SH3GL3: variants seen among roughly 807,000 people sequenced by gnomAD.
SH3GL3 encodes the protein SH3 domain containing GRB2 like 3, endophilin A3.
A neutral mutation model predicts 47.7 loss-of-function variants in SH3GL3; 33 were observed. The ratio of observed to expected loss-of-function variants is 0.69; its 90% CI spans 0.52 to 0.92. The LOEUF (loss-of-function observed/expected upper bound fraction) is 0.92. Among genes scored for constraint, SH3GL3 ranks in the 40% least tolerant of loss-of-function variants. The pLI is 0.00. For synonymous variants in SH3GL3, 155 were observed against 148.8 expected, an observed-to-expected ratio of 1.04 and a Z score of -0.30; for missense variants, 363 against 417.8, an observed-to-expected ratio of 0.87 and a Z score of 1.14.
At chr15:83,501,882 T>G (rs901426491) in intron 1 of SH3GL3, among the ~76,000 whole-genome samples, 4 of 152,044 alleles carry the variant, frequency 2.6e-5, no homozygotes, top group African/African-American at 9.7e-5. Flanking sequence ...CAGAGTGAGA[T>G]TCCGTCTCAA....
Position 83,576,080 on chromosome 15 carries a change from C to T in SH3GL3, c.466-503C>T, listed in dbSNP as rs375384447. Among the ~76,000 whole-genome samples the T allele has an allele frequency of 2.6e-5, 4 of 152,152 alleles. No homozygotes were observed. The East Asian group carries it at 5.8e-4, about 22-fold the overall frequency. ...CTTTGCATTCATTAACAGCGTTTTA[C>T]GCAACTTATTTCTTGATTGTTTGGG... On this transcript the variant is annotated intron_variant, in intron 5 of 8. Coordinates refer to ENST00000427482, the MANE Select transcript of SH3GL3 (RefSeq NM_003027.5).
chr15:83,605,229 T>G (rs535101511), intron 8 of SH3GL3, among the ~76,000 whole-genome samples: 124 of 152,286 alleles, frequency 8.1e-4, no homozygotes, highest in Middle Eastern at 3.4e-3. Flanking sequence ...CCAGGCTGCT[T>G]CTTCTAAGTT....
the SH3GL3 span, among the ~76,000 whole-genome samples, chr15:83,626,627 A>G: frequency 2.0e-5 from 3 of 152,198 alleles, no homozygotes; most frequent in South Asian, 6.2e-4. Flanking sequence ...GCCTTGTTAA[A>G]TGTTAACGAC....
intron 8 of SH3GL3, among the ~76,000 whole-genome samples, chr15:83,595,349 T>C (rs2060210672): frequency 6.6e-6 from 1 of 152,196 alleles, no homozygotes; most frequent in South Asian, 2.1e-4. Context: ...TGGGGCCTGC[T>C]TGAGGGTGGA....
chr15:83,573,586 C>A (rs948666790), intron 5 of SH3GL3, among the ~76,000 whole-genome samples: 1 of 152,130 alleles, frequency 6.6e-6, no homozygotes, highest in Admixed American at 6.5e-5. Context: ...TTCCAGAACT[C>A]GAGGGGGAAG....
chr15:83,511,774 A>T (rs764609091), intron 1 of SH3GL3, among the ~76,000 whole-genome samples: 5 of 152,012 alleles, frequency 3.3e-5, no homozygotes, highest in Non-Finnish European at 7.4e-5. Flanking sequence ...TCCCTCACCC[A>T]GTACATCTTG....
At chr15:83,518,044 C>T (rs1245659420) in intron 1 of SH3GL3, among the ~76,000 whole-genome samples, 1 of 152,164 alleles carries the variant, frequency 6.6e-6, no homozygotes, top group South Asian at 2.1e-4. Flanking sequence ...AGATAATGGC[C>T]TCTAGCTGCA....
intron 8 of SH3GL3, among the ~76,000 whole-genome samples, chr15:83,605,545 CT>C (rs1454795052): frequency 6.6e-6 from 1 of 151,912 alleles, no homozygotes; most frequent in Non-Finnish European, 1.5e-5. Context: ...ATCATTTCTT[CT>C]TTCTAAAGAA....
At chr15:83,607,655 A>G (rs978392717) in intron 8 of SH3GL3, among the ~76,000 whole-genome samples, 7 of 152,142 alleles carry the variant, frequency 4.6e-5, no homozygotes, top group African/African-American at 1.7e-4. Flanking sequence ...AAGAGAAGCC[A>G]GAAACCCTAT....
chr15:83,541,312 ATTTTTTTTTTTTTTTTTTTTTTTTT>A (rs71156085), intron 1 of SH3GL3, among the ~76,000 whole-genome samples: 2 of 47,340 alleles, frequency 4.2e-5, no homozygotes, highest in Non-Finnish European at 8.3e-5. Flanking sequence ...TGGTAATTCT[ATTTTTTTTTTTTTTTTTTTTTTTTT>A]TTTTTTTTTT....
intron 1 of SH3GL3, among the ~76,000 whole-genome samples, chr15:83,523,366 G>C (rs75024542): frequency 0.02 from 3,102 of 152,316 alleles, 49 homozygotes; most frequent in Non-Finnish European, 0.031. Flanking sequence ...TTCTGTGGGA[G>C]AGTTTGCCTA....
chr15:83,458,688 G>A (rs2040121269), intron 1 of SH3GL3, among the ~76,000 whole-genome samples: 1 of 152,076 alleles, frequency 6.6e-6, no homozygotes, highest in South Asian at 2.1e-4. Context: ...TGCAACAGTG[G>A]AAGACACACC....
At chr15:83,619,937 T>C (rs568616614), downstream of SH3GL3, among the ~76,000 whole-genome samples, 1 of 152,264 alleles carries the variant, frequency 6.6e-6, no homozygotes, top group East Asian at 1.9e-4. Context: ...CCTCTCATCC[T>C]ACCACTGCTT....
chr15:83,458,678 T>C (rs561732653), intron 1 of SH3GL3, among the ~76,000 whole-genome samples: 69 of 152,252 alleles, frequency 4.5e-4, no homozygotes, highest in African/African-American at 1.6e-3. Context: ...GCTTCTCCAG[T>C]GCAACAGTGG....
At chr15:83,458,062 A>G (rs930935834) in intron 1 of SH3GL3, among the ~76,000 whole-genome samples, 1 of 152,196 alleles carries the variant, frequency 6.6e-6, no homozygotes, top group African/African-American at 2.4e-5. Flanking sequence ...TGGGGAAGCT[A>G]TTACTGGCAT....
At chr15:83,479,890 C>T (rs149819271) in intron 1 of SH3GL3, among the ~76,000 whole-genome samples, 20 of 152,298 alleles carry the variant, frequency 1.3e-4, no homozygotes, top group Middle Eastern at 6.8e-3. Flanking sequence ...AATAATAATA[C>T]CTCCTTCCCA....
intron 3 of SH3GL3, among the ~76,000 whole-genome samples, chr15:83,567,065 T>C (rs147003194): frequency 2.6e-5 from 4 of 152,320 alleles, no homozygotes; most frequent in Non-Finnish European, 5.9e-5. Flanking sequence ...TACCACAAAC[T>C]AGTATGTGAT....
At chr15:83,568,997 A>G (rs1404345783) in intron 4 of SH3GL3, among the ~76,000 whole-genome samples, 1 of 151,670 alleles carries the variant, frequency 6.6e-6, no homozygotes, top group Non-Finnish European at 1.5e-5. Context: ...CCCAGGTTCA[A>G]ACGATTCTCG....
chr15:83,605,235 A>G (rs1407751285), intron 8 of SH3GL3, among the ~76,000 whole-genome samples: 1 of 152,086 alleles, frequency 6.6e-6, no homozygotes, highest in Non-Finnish European at 1.5e-5. Context: ...TGCTTCTTCT[A>G]AGTTTCCCTC....
Sources: allele counts gnomAD v4.1 joint callset (sites outside exome capture counted in the v4.1 genomes callset), GRCh38; gene constraint gnomAD v4.1.1; transcripts MANE v1.5; gene names NCBI Gene and HGNC (gene_info 2026-07-23, HGNC 2026-07-21).